The following SUCLG2 variants were observed in gnomAD, a reference collection of about 807,000 sequenced individuals.
SUCLG2 encodes succinate--CoA ligase [GDP-forming] subunit beta, mitochondrial.
SUCLG2 carries 42 observed loss-of-function variants against 47.9 expected under a neutral mutation model. The ratio of observed to expected loss-of-function variants is 0.88; its 90% CI spans 0.69 to 1.14. SUCLG2 has a LOEUF of 1.14. Ranked by LOEUF, SUCLG2 falls within the 50% of genes most tolerant of loss-of-function variation. The probability of loss-of-function intolerance (pLI) is 0.00; values close to 1 mark genes in which losing one functional copy is unlikely to be tolerated. For missense variants in SUCLG2, 571 were observed against 525.9 expected (o/e 1.09, Z -0.84); for synonymous variants, 195 against 197.3 (o/e 0.99, Z 0.10).
intron 10 of SUCLG2, among the ~76,000 whole-genome samples, chr3:67,376,763 T>C (rs1702041831): frequency 6.6e-6 from 1 of 152,198 alleles, no homozygotes; most frequent in Non-Finnish European, 1.5e-5. Context: ...CTGATTCCCC[T>C]GGGACCCTGG....
intron 1 of SUCLG2, among the ~76,000 whole-genome samples, chr3:67,613,385 T>C (rs888661596): frequency 6.6e-6 from 1 of 152,156 alleles, no homozygotes; most frequent in Non-Finnish European, 1.5e-5. Context: ...AAAGACCAAA[T>C]ATGTATTTTT....
rs114726280 is a variant in SUCLG2 at position 67,640,423 on chromosome 3, C to T, written c.84+14080G>A. On this transcript the variant is annotated intron_variant, in intron 1 of 10. Transcript: ENST00000307227. ...ATGCTGTTGATCAGTGGGCCAGAAA[C>T]AGGCACAACTGAACCTTTTCTCTGC... Among the ~76,000 whole-genome samples, 519 of 152,308 alleles carry T rather than the reference C, an allele frequency of 3.4e-3. 8 individuals are homozygous for T. The highest frequency in any genetic ancestry group is 0.012 in the African/African-American group (504 of 41,572).
At chr3:67,524,002 T>C (rs1706190425) in intron 4 of SUCLG2, among the ~76,000 whole-genome samples, 1 of 152,196 alleles carries the variant, frequency 6.6e-6, no homozygotes, top group Non-Finnish European at 1.5e-5. Flanking sequence ...TTCACAGGAA[T>C]AATGCATGAC....
intron 7 of SUCLG2, among the ~76,000 whole-genome samples, chr3:67,504,075 G>C (rs374825168): frequency 1.3e-5 from 2 of 152,338 alleles, no homozygotes; most frequent in East Asian, 1.9e-4. Flanking sequence ...TACTGCGTTT[G>C]ATTTGTGATA....
intron 2 of SUCLG2, among the ~76,000 whole-genome samples, chr3:67,604,646 G>A (rs1029284146): frequency 8.7e-6 from 1 of 115,124 alleles, no homozygotes; most frequent in Non-Finnish European, 1.8e-5. Context: ...TAAGTAGGGT[G>A]GCGAGAAGAA....
chr3:67,526,654 C>T (rs1706264540), intron 4 of SUCLG2, among the ~76,000 whole-genome samples: 1 of 152,156 alleles, frequency 6.6e-6, no homozygotes, highest in African/African-American at 2.4e-5. Context: ...TGAAATATCA[C>T]TACACACCCA....
intron 2 of SUCLG2, among the ~76,000 whole-genome samples, chr3:67,596,784 T>C (rs1375540570): frequency 2.0e-5 from 3 of 152,200 alleles, no homozygotes; most frequent in Non-Finnish European, 4.4e-5. Flanking sequence ...GGTTTCCTTA[T>C]AGTCCCCTCA....
rs1411842251 is a variant in SUCLG2 at position 67,654,391 on chromosome 3, C to T, written c.84+112G>A. 3.3e-6 allele frequency: 3 copies of T among 910,406 alleles called. No homozygotes were observed. The African/African-American group carries it at 5.2e-5, about 16-fold the overall frequency. The allele number at this position is 910,406 out of a possible 1,614,324, so 56.4% of individuals were successfully genotyped here. ...CCGCGTCACCTCCCGAAGTGGGGCG[C>T]CCGAGGGGCCGCGCAGGGGGTCAGG... On this transcript the variant is annotated intron_variant, in intron 1 of 10. Coordinates refer to ENST00000307227, the MANE Select transcript of SUCLG2 (RefSeq NM_003848.4).
At chr3:67,402,759 A>G (rs1028504716) in intron 9 of SUCLG2, among the ~76,000 whole-genome samples, 7 of 152,262 alleles carry the variant, frequency 4.6e-5, no homozygotes, top group Non-Finnish European at 8.8e-5. Context: ...TGCCTCTGCC[A>G]TGTTCCAGTC....
chr3:67,530,747 G>A (rs1706382359), intron 2 of SUCLG2, among the ~76,000 whole-genome samples: 1 of 152,180 alleles, frequency 6.6e-6, no homozygotes. Flanking sequence ...AGGCTGTCCT[G>A]TGTACCCTCT....
At chr3:67,473,289 C>G (rs1704650764) in intron 9 of SUCLG2, among the ~76,000 whole-genome samples, 1 of 152,138 alleles carries the variant, frequency 6.6e-6, no homozygotes, top group Non-Finnish European at 1.5e-5. Flanking sequence ...AGGTGTTTCT[C>G]CCACCTAGCT....
At chr3:67,485,189 T>A (rs550530791) in intron 9 of SUCLG2, among the ~76,000 whole-genome samples, 1 of 152,338 alleles carries the variant, frequency 6.6e-6, no homozygotes, top group Admixed American at 6.5e-5. Flanking sequence ...TCTGAGATAA[T>A]TAAAACTAAC....
At chr3:67,617,191 G>T (rs1316288980) in intron 1 of SUCLG2, among the ~76,000 whole-genome samples, 1 of 152,160 alleles carries the variant, frequency 6.6e-6, no homozygotes, top group Non-Finnish European at 1.5e-5. Flanking sequence ...TTTAAAACAG[G>T]CTCTGATGAA....
chr3:67,516,984 T>C (rs904151975), intron 6 of SUCLG2, among the ~76,000 whole-genome samples: 3 of 152,208 alleles, frequency 2.0e-5, no homozygotes, highest in Admixed American at 1.3e-4. Context: ...GTAGCACATA[T>C]TCAGGAATCT....
At chr3:67,430,759 A>T (rs1703456377) in intron 9 of SUCLG2, among the ~76,000 whole-genome samples, 1 of 152,140 alleles carries the variant, frequency 6.6e-6, no homozygotes, top group African/African-American at 2.4e-5. Context: ...ATAAAAAATG[A>T]TAAAGGGGAT....
At chr3:67,531,301 C>A (rs555749435) in intron 2 of SUCLG2, among the ~76,000 whole-genome samples, 2 of 152,334 alleles carry the variant, frequency 1.3e-5, no homozygotes, top group East Asian at 3.9e-4. Context: ...AAATTCTTTA[C>A]ATAACTGGCA....
In SUCLG2 at chr3:67,608,099, T is replaced by C. The variant is rs551013269; in HGVS notation, c.226+1356A>G. On this transcript the variant is annotated intron_variant, in intron 2 of 10. Coordinates refer to ENST00000307227, the MANE Select transcript of SUCLG2 (RefSeq NM_003848.4). ...GACGGAGAAGGTACTTCTGCAGAATTACAAAGCTGGTAAAGGGAAGGCAAA... is the reference window on the plus strand; with the variant it reads ...GACGGAGAAGGTACTTCTGCAGAATCACAAAGCTGGTAAAGGGAAGGCAAA... Among the ~76,000 whole-genome samples the C allele has an allele frequency of 5.3e-4, 81 of 152,338 alleles. 1 individual carries two copies. Among genetic ancestry groups the C allele is most frequent in the African/African-American group, 1.9e-3 (79 of 41,582 alleles).
chr3:67,616,445 A>T (rs748415558), intron 1 of SUCLG2, among the ~76,000 whole-genome samples: 2 of 152,260 alleles, frequency 1.3e-5, no homozygotes, highest in Non-Finnish European at 2.9e-5. Context: ...AGATACATGC[A>T]TAAGTAAATG....
At position 67,654,460 on chromosome 3, in the gene SUCLG2, CGGCGCCGCTGCT is replaced by C. The variant is rs776950878; in HGVS notation, c.84+31_84+42del. 9.0e-6 allele frequency: 11 copies of C among 1,219,906 alleles called. No homozygotes were observed. The African/African-American group carries it at 1.6e-4, about 17-fold the overall frequency. 75.6% of individuals were successfully genotyped at this position (1,219,906 alleles called of 1,614,324 possible). ...GGGGGCGAGGGAAGCCCGGGCAGGC[CGGCGCCGCTGCT>C]GGCGCCCGCAGCTCCTGCCCCCACG... On this transcript the variant is annotated intron_variant, in intron 1 of 10. Transcript: ENST00000307227.
Sources: allele counts gnomAD v4.1 joint callset (sites outside exome capture counted in the v4.1 genomes callset), GRCh38; gene constraint gnomAD v4.1.1; transcripts MANE v1.5; gene names NCBI Gene and HGNC (gene_info 2026-07-23, HGNC 2026-07-21).